Variants in FOCAD observed in about 807,000 individuals in gnomAD.
The protein encoded by FOCAD is focadhesin, also known as KIAA1797.
A neutral mutation model predicts 225.6 loss-of-function variants in FOCAD; 198 were observed. The observed-to-expected ratio is 0.88, with a 90% confidence interval of 0.78 to 0.99. FOCAD has a LOEUF of 0.99. FOCAD is among the 50% of genes least tolerant of loss of function. The pLI is 0.00. For synonymous variants in FOCAD, 897 were observed against 755.0 expected (o/e 1.19, Z -3.08); for missense variants, 2,713 against 2,123.6 (o/e 1.28, Z -5.46).
At chr9:20,868,733 C>T (rs1829503545) in intron 18 of FOCAD, among the ~76,000 whole-genome samples, 1 of 151,876 alleles carries the variant, frequency 6.6e-6, no homozygotes. Flanking sequence ...CCCTAATCCC[C>T]TTCTGGGATA....
intron 41 of FOCAD, 150 bp downstream of exon 41, chr9:20,988,579 C>T (rs1033566403): frequency 8.5e-6 from 3 of 350,960 alleles, no homozygotes; most frequent in Non-Finnish European, 5.2e-6. Context: ...AAGAGGAGCA[C>T]GTTGCTGTTT....
chr9:20,880,733 G>A (rs1009742361), intron 19 of FOCAD, among the ~76,000 whole-genome samples: 3 of 152,142 alleles, frequency 2.0e-5, no homozygotes, highest in African/African-American at 7.2e-5. Context: ...TTCATTTAAA[G>A]GAGACTTTTA....
intron 18 of FOCAD, among the ~76,000 whole-genome samples, chr9:20,867,782 C>T (rs1346751623): frequency 6.6e-6 from 1 of 152,048 alleles, no homozygotes; most frequent in African/African-American, 2.4e-5. Flanking sequence ...TAACATTACT[C>T]AGAATCTGTC....
chr9:20,811,424 A>T lies in FOCAD; in HGVS notation c.1456-8372A>T, dbSNP rs748175153. Reference sequence around the variant, plus strand: ...TATTCAAGGAATCACTACAGATCAGATGCTCAAGCTGGATTGGAATAAGGC... The same window carrying T: ...TATTCAAGGAATCACTACAGATCAGTTGCTCAAGCTGGATTGGAATAAGGC... On this transcript the variant is annotated intron_variant, in intron 11 of 43. Coordinates refer to ENST00000338382, the MANE Select transcript of FOCAD (RefSeq NM_001375567.1). Among the ~76,000 whole-genome samples, 81 of 152,224 alleles carry T rather than the reference A, an allele frequency of 5.3e-4. 2 individuals are homozygous for T. The highest frequency in any genetic ancestry group is 7.2e-4 in the Admixed American group (11 of 15,272).
Position 20,765,015 on chromosome 9 carries a change from C to T in FOCAD, c.641C>T (p.Pro214Leu). 2 of 1,614,094 alleles carry T rather than the reference C, an allele frequency of 1.2e-6. No individual in the cohort carries two copies. The highest frequency in any genetic ancestry group is 2.2e-5 in the East Asian group (1 of 44,856). The change falls in exon 7 of 44, where the codon CCA (proline) becomes CTA (leucine). Residue 214 changes from proline (P) to leucine (L), a missense_variant. Transcript: ENST00000338382. ...QPQVLCDKDQ[P>L]SILEQQILQL... is the part of the protein sequence containing the mutation. ...CAGGTTCTTTGTGACAAAGATCAAC[C>T]ATCAATACTGGAACAGCAGATACTT...
At chr9:20,871,881 A>G (rs976314516) in intron 18 of FOCAD, among the ~76,000 whole-genome samples, 3 of 149,628 alleles carry the variant, frequency 2.0e-5, no homozygotes, top group African/African-American at 7.4e-5. Flanking sequence ...CACATTGTGC[A>G]CATGTACCCT....
intron 1 of FOCAD, among the ~76,000 whole-genome samples, chr9:20,707,002 TG>T (rs1188797003): frequency 2.0e-5 from 3 of 152,224 alleles, no homozygotes; most frequent in Non-Finnish European, 4.4e-5. Flanking sequence ...ATGTCACTTT[TG>T]CTCAAACACC....
chr9:20,887,530 C>T (rs971442266), intron 21 of FOCAD, among the ~76,000 whole-genome samples: 3 of 152,164 alleles, frequency 2.0e-5, no homozygotes, highest in African/African-American at 4.8e-5. Flanking sequence ...CCACTGTGCC[C>T]AGCCATATTT....
At position 20,809,781 on chromosome 9, in the gene FOCAD, C is replaced by T. The variant is rs150615000; in HGVS notation, c.1456-10015C>T. Among the ~76,000 whole-genome samples the T allele has an allele frequency of 2.7e-4, 41 of 152,212 alleles. 1 individual carries two copies. In the East Asian group the frequency reaches 7.5e-3, roughly 28 times the overall value. ...GACTGTCTTTTGTCAGTTGTGTCAT[C>T]AAAGCTTAACACAATCTCAGTGTAG... is the stretch of plus-strand genomic sequence containing the variant. On this transcript the variant is annotated intron_variant, in intron 11 of 43. Transcript: ENST00000338382.
rs1587815776 is a variant in FOCAD, at chr9:20,995,948, C to G, written c.*319C>G. On this transcript the variant is annotated 3_prime_UTR_variant, in exon 44 of 44. Transcript: ENST00000338382. ...CTAAATTCCAGTAAAATAATGTTGT[C>G]AATTTTGTGCGTGTGACTTTTGTTT... 1 of 176,152 alleles carries G rather than the reference C, an allele frequency of 5.7e-6. No homozygotes were observed. Among genetic ancestry groups the G allele is most frequent in the East Asian group, 1.5e-4 (1 of 6,614 alleles). The allele number at this position is 176,152 out of a possible 1,614,324, so 10.9% of individuals were successfully genotyped here. A position where few individuals can be genotyped will look rare whatever the true frequency, so the allele number is the denominator to read the frequency against.
At chr9:20,819,124 A>T (rs1394324008) in intron 11 of FOCAD, among the ~76,000 whole-genome samples, 1 of 152,110 alleles carries the variant, frequency 6.6e-6, no homozygotes, top group East Asian at 1.9e-4. Context: ...GGAGTAACCT[A>T]ATTGAATGTT....
chr9:20,700,000 C>T (rs964367124), intron 1 of FOCAD, among the ~76,000 whole-genome samples: 6 of 151,140 alleles, frequency 4.0e-5, no homozygotes, highest in South Asian at 2.1e-4. Flanking sequence ...GATATTTCCA[C>T]GCTAATATGA....
At chr9:20,757,911 G>C (rs554402450) in intron 5 of FOCAD, among the ~76,000 whole-genome samples, 179 bp from the exon 6 acceptor site, 20 of 152,246 alleles carry the variant, frequency 1.3e-4, no homozygotes, top group African/African-American at 4.6e-4. Flanking sequence ...GCAGGGGGGA[G>C]AGTCAGTTCT....
At chr9:20,834,249 T>A (rs1425160024) in intron 15 of FOCAD, among the ~76,000 whole-genome samples, 1 of 151,416 alleles carries the variant, frequency 6.6e-6, no homozygotes, top group African/African-American at 2.4e-5. Flanking sequence ...AGCTGAACGA[T>A]GAGAACATAT....
intron 9 of FOCAD, among the ~76,000 whole-genome samples, chr9:20,780,524 A>G (rs763719121): frequency 1.3e-5 from 2 of 152,220 alleles, no homozygotes; most frequent in South Asian, 2.1e-4. Context: ...TGCTAAGCCA[A>G]TATATCATGT....
At chr9:20,771,758 A>T (rs952994762) in intron 8 of FOCAD, among the ~76,000 whole-genome samples, 1 of 152,232 alleles carries the variant, frequency 6.6e-6, no homozygotes, top group Non-Finnish European at 1.5e-5. Context: ...TTGTCTCAAA[A>T]TACATAAATA....
chr9:20,773,212 T>C (rs1420930296), intron 8 of FOCAD, among the ~76,000 whole-genome samples: 1 of 152,170 alleles, frequency 6.6e-6, no homozygotes, highest in African/African-American at 2.4e-5. Context: ...CCCCCCACCT[T>C]TAGCATATAT....
intron 1 of FOCAD, among the ~76,000 whole-genome samples, chr9:20,703,536 T>G (rs1401199021): frequency 1.3e-5 from 2 of 152,166 alleles, no homozygotes; most frequent in Non-Finnish European, 2.9e-5. Flanking sequence ...TAACTATATT[T>G]TAAATGGGAA....
intron 19 of FOCAD, among the ~76,000 whole-genome samples, chr9:20,877,713 C>T (rs1469911193): frequency 6.6e-6 from 1 of 152,122 alleles, no homozygotes. Context: ...AGCTCGAGAC[C>T]AGCCTGGCCA....
Sources: allele counts gnomAD v4.1 joint callset (sites outside exome capture counted in the v4.1 genomes callset), GRCh38; gene constraint gnomAD v4.1.1; transcripts MANE v1.5; gene names NCBI Gene and HGNC (gene_info 2026-07-23, HGNC 2026-07-21).